The following PEAK1 variants were observed in gnomAD, a reference collection of about 807,000 sequenced individuals.
PEAK1 encodes inactive tyrosine-protein kinase PEAK1.
In PEAK1, 54 loss-of-function variants were observed where a neutral mutation model predicts 124.7. That is an observed-to-expected ratio of 0.43 (90% CI 0.35 to 0.54). The LOEUF (loss-of-function observed/expected upper bound fraction) is 0.54, where lower values mean the gene tolerates loss of function less well. Among genes scored for constraint, PEAK1 ranks in the 20% least tolerant of loss-of-function variants. PEAK1 has a pLI of 0.01. For missense variants in PEAK1, 2,046 were observed against 2,134.5 expected (o/e 0.96, Z 0.82); for synonymous variants, 719 against 760.0 (o/e 0.95, Z 0.89).
At chr15:77,129,892 G>C (rs1193437140) in intron 9 of PEAK1, among the ~76,000 whole-genome samples, 2 of 152,196 alleles carry the variant, frequency 1.3e-5, no homozygotes, top group African/African-American at 4.8e-5. Context: ...TGGGCCAACT[G>C]TTAGTGTCTT....
intron 1 of PEAK1, chr15:77,404,676 C>T: frequency 1.0e-6 from 1 of 953,532 alleles, no homozygotes; most frequent in African/African-American, 1.8e-5. Context: ...TATAAAGAGT[C>T]TGCTGTACTA....
chr15:77,390,846 T>C (rs1254585928), intron 1 of PEAK1, among the ~76,000 whole-genome samples: 1 of 152,186 alleles, frequency 6.6e-6, no homozygotes, highest in East Asian at 1.9e-4. Flanking sequence ...TCCCCAGCTC[T>C]TAAACAGGAC....
chr15:77,190,455 G>A (rs1320449370), intron 6 of PEAK1, among the ~76,000 whole-genome samples: 2 of 151,994 alleles, frequency 1.3e-5, no homozygotes, highest in Non-Finnish European at 2.9e-5. Flanking sequence ...TGTTTTCAAG[G>A]GTCTATGAGT....
chr15:77,313,252 G>A (rs2064592466), intron 2 of PEAK1, among the ~76,000 whole-genome samples: 1 of 152,080 alleles, frequency 6.6e-6, no homozygotes. Context: ...AATGGTTAAA[G>A]CTGAAACAAG....
intron 5 of PEAK1, among the ~76,000 whole-genome samples, chr15:77,260,716 G>A (rs368104700): frequency 1.6e-4 from 24 of 152,202 alleles, no homozygotes; most frequent in South Asian, 6.2e-4. Context: ...AGCTCCCAGC[G>A]TGAGCGACAC....
chr15:77,284,581 A>C (rs1446918604), intron 4 of PEAK1, among the ~76,000 whole-genome samples: 2 of 152,174 alleles, frequency 1.3e-5, no homozygotes, highest in East Asian at 3.8e-4. Context: ...AGGATCATGT[A>C]ACCTAAATTA....
At chr15:77,148,896 T>C (rs76292662) in intron 8 of PEAK1, among the ~76,000 whole-genome samples, 2,268 of 152,300 alleles carry the variant, frequency 0.015, 57 homozygotes, top group African/African-American at 0.051. Flanking sequence ...CACTCCAGCA[T>C]GGGCGATAGA....
chr15:77,154,771 G>C (rs9806783), intron 8 of PEAK1, among the ~76,000 whole-genome samples: 52,846 of 150,720 alleles, frequency 0.35, 9,369 homozygotes, highest in Non-Finnish European at 0.38. Context: ...ATATGAAATT[G>C]TGGGTTGAAA....
chr15:77,191,135 ACAATAAT>A (rs2152833331), intron 6 of PEAK1, among the ~76,000 whole-genome samples: 1 of 152,342 alleles, frequency 6.6e-6, no homozygotes, highest in East Asian at 1.9e-4. Context: ...GTGCTTAAAA[ACAATAAT>A]CTCTTATGTC....
At chr15:77,418,923 C>G in intron 1 of PEAK1, 3 of 985,352 alleles carry the variant, frequency 3.0e-6, no homozygotes, top group Non-Finnish European at 3.6e-6. Flanking sequence ...AAGCTGTTCA[C>G]GTACATCATC....
At chr15:77,246,515 A>G (rs1001169681) in intron 6 of PEAK1, among the ~76,000 whole-genome samples, 8 of 152,102 alleles carry the variant, frequency 5.3e-5, no homozygotes, top group African/African-American at 1.9e-4. Flanking sequence ...ACTTTGTCAC[A>G]AACCAAAAAA....
At chr15:77,236,500 C>T (rs796369076) in intron 6 of PEAK1, among the ~76,000 whole-genome samples, 3 of 152,298 alleles carry the variant, frequency 2.0e-5, no homozygotes, top group African/African-American at 7.2e-5. Flanking sequence ...CTGTTCCCTC[C>T]ATTGTAACTT....
intron 8 of PEAK1, among the ~76,000 whole-genome samples, chr15:77,138,350 A>G (rs1045120045): frequency 1.3e-5 from 2 of 152,118 alleles, no homozygotes; most frequent in African/African-American, 4.8e-5. Flanking sequence ...AGTGAATGTA[A>G]AGGCCTTGCA....
chr15:77,291,194 T>A (rs1317750060), intron 2 of PEAK1, among the ~76,000 whole-genome samples: 2 of 152,212 alleles, frequency 1.3e-5, no homozygotes, highest in African/African-American at 4.8e-5. Flanking sequence ...ATTTTCAACA[T>A]AACACTGATA....
chr15:77,320,882 TC>T (rs1045626984), intron 2 of PEAK1, among the ~76,000 whole-genome samples: 5 of 152,018 alleles, frequency 3.3e-5, no homozygotes, highest in Non-Finnish European at 7.4e-5. Context: ...ATTGTTCAAT[TC>T]CCACCTATGA....
At chr15:77,122,881 T>C (rs1015838948) in intron 9 of PEAK1, among the ~76,000 whole-genome samples, 3 of 152,240 alleles carry the variant, frequency 2.0e-5, no homozygotes, top group Non-Finnish European at 2.9e-5. Flanking sequence ...TCTGAACTAG[T>C]TGTAAATTCC....
At position 77,252,455 on chromosome 15, in the gene PEAK1, T is replaced by TG; in HGVS notation, c.-204dup. On this transcript the variant is annotated 5_prime_UTR_variant, in exon 6 of 10. It removes the in-frame stop codon of an upstream open reading frame in the 5' UTR. Coordinates refer to ENST00000682557, the MANE Select transcript of PEAK1 (RefSeq NM_001385026.1). Reference sequence around the variant, plus strand: ...ATTCCTTCCAAATTTCAAGGTGCTTTGGGTCTTTCCAAGATGAATGTCCTT... The same window carrying TG: ...ATTCCTTCCAAATTTCAAGGTGCTTTGGGGTCTTTCCAAGATGAATGTCCTT... 1.0e-6 allele frequency: 1 copy of TG among 985,128 alleles called. No homozygotes were observed. Among genetic ancestry groups the TG allele is most frequent in the Middle Eastern group, 5.2e-4 (1 of 1,914 alleles). The allele number at this position is 985,128 out of a possible 1,614,324, so 61.0% of individuals were successfully genotyped here.
At position 77,410,002 on chromosome 15, in the gene PEAK1, G is replaced by A. The variant is rs924378106; in HGVS notation, c.-666+10004C>T. Among the ~76,000 whole-genome samples, 41 of 151,996 alleles carry A rather than the reference G, an allele frequency of 2.7e-4. 1 individual carries two copies. The highest frequency in any genetic ancestry group is 3.3e-4 in the Admixed American group (5 of 15,256). ...TAGAATTCTTGACTATTCTTGGAGG[G>A]CAGGTTATGAGCTACTTGAAAGACA... On this transcript the variant is annotated intron_variant, in intron 1 of 9. Transcript: ENST00000682557.
intron 8 of PEAK1, among the ~76,000 whole-genome samples, chr15:77,136,899 C>A (rs371769222): frequency 3.3e-5 from 5 of 152,186 alleles, no homozygotes; most frequent in Admixed American, 6.5e-5. Context: ...ATCAGAGGCC[C>A]GAAGGCCTAG....
Sources: allele counts gnomAD v4.1 joint callset (sites outside exome capture counted in the v4.1 genomes callset), GRCh38; gene constraint gnomAD v4.1.1; transcripts MANE v1.5; gene names NCBI Gene and HGNC (gene_info 2026-07-23, HGNC 2026-07-21).